The following CPVL variants were observed in gnomAD, a reference collection of about 807,000 sequenced individuals.
The protein encoded by CPVL is probable serine carboxypeptidase CPVL.
A neutral mutation model predicts 63.7 loss-of-function variants in CPVL; 51 were observed. That is an observed-to-expected ratio of 0.80 (90% CI 0.64 to 1.01). CPVL has a LOEUF of 1.01. CPVL is among the 50% of genes least tolerant of loss of function. The pLI, the probability that CPVL is intolerant of heterozygous loss-of-function variation, is 0.00. For synonymous variants in CPVL, 195 were observed against 206.0 expected, an observed-to-expected ratio of 0.95 and a Z score of 0.46; for missense variants, 530 against 573.1, an observed-to-expected ratio of 0.92 and a Z score of 0.77.
chr7:29,138,378 T>G (rs1791466884), intron 1 of CPVL, among the ~76,000 whole-genome samples: 2 of 152,164 alleles, frequency 1.3e-5, no homozygotes, highest in South Asian at 4.1e-4. Context: ...AGGCAGAGGT[T>G]GCAGTGATCC....
At chr7:29,048,378 CAA>C (rs1400100253) in intron 11 of CPVL, among the ~76,000 whole-genome samples, 1 of 152,048 alleles carries the variant, frequency 6.6e-6, no homozygotes, top group East Asian at 1.9e-4. Context: ...GCATTTCATG[CAA>C]AGAGACACCA....
chr7:29,061,096 C>T (rs1791231488), intron 11 of CPVL, among the ~76,000 whole-genome samples: 1 of 152,150 alleles, frequency 6.6e-6, no homozygotes, highest in African/African-American at 2.4e-5. Flanking sequence ...TTTTCTTTTT[C>T]TGGCAACCGA....
At chr7:29,152,104 A>C (rs192319174) in intron 5 of CPVL, among the ~76,000 whole-genome samples, 31 of 152,320 alleles carry the variant, frequency 2.0e-4, no homozygotes, top group African/African-American at 7.2e-4. Flanking sequence ...TTATCTAGAA[A>C]AGTGACTCTA....
intron 1 of CPVL, chr7:29,127,473 A>G (rs998425457): frequency 6.6e-6 from 1 of 152,250 alleles, no homozygotes; most frequent in Non-Finnish European, 1.5e-5. Flanking sequence ...CGATCCTCAG[A>G]GAATCTAAGT....
intron 2 of CPVL, among the ~76,000 whole-genome samples, chr7:29,116,643 T>G (rs1368470597): frequency 6.6e-6 from 1 of 152,186 alleles, no homozygotes; most frequent in African/African-American, 2.4e-5. Flanking sequence ...TTATCACCAG[T>G]GTGGACAGAC....
chr7:29,164,574 C>T (rs949285754), intron 5 of CPVL, among the ~76,000 whole-genome samples: 1 of 151,798 alleles, frequency 6.6e-6, no homozygotes, highest in East Asian at 1.9e-4. Context: ...CATTTGAACT[C>T]AGAAGAGACC....
chr7:29,034,066 CTGTTT>C (rs1248967851), intron 11 of CPVL, among the ~76,000 whole-genome samples: 3 of 152,076 alleles, frequency 2.0e-5, no homozygotes, highest in South Asian at 4.2e-4. Context: ...TTCTAGGTTT[CTGTTT>C]TGTTTTGTTT....
At chr7:29,070,565 C>T (rs1783636016) in intron 9 of CPVL, among the ~76,000 whole-genome samples, 1 of 152,188 alleles carries the variant, frequency 6.6e-6, no homozygotes, top group South Asian at 2.1e-4. Flanking sequence ...CCTACATGTG[C>T]CCCAGGAGAC....
chr7:29,075,880 G>T (rs1469111762), intron 7 of CPVL, among the ~76,000 whole-genome samples: 1 of 146,696 alleles, frequency 6.8e-6, no homozygotes, highest in Admixed American at 6.9e-5. Context: ...GACAATTATA[G>T]AATTATTTTT....
chr7:29,192,898 A>G (rs1783076806), intron 1 of CPVL: 1 of 152,250 alleles, frequency 6.6e-6, no homozygotes, highest in Non-Finnish European at 1.5e-5. Context: ...ATAGATTACT[A>G]GTCAAACAAG....
At chr7:29,118,758 CT>C (rs1244631303) in intron 2 of CPVL, among the ~76,000 whole-genome samples, 2 of 152,136 alleles carry the variant, frequency 1.3e-5, no homozygotes, top group Non-Finnish European at 2.9e-5. Flanking sequence ...TTTAGATTTG[CT>C]TTTGATCTTT....
intron 5 of CPVL, among the ~76,000 whole-genome samples, chr7:29,093,077 G>T (rs1785992878): frequency 6.6e-6 from 1 of 152,054 alleles, no homozygotes; most frequent in African/African-American, 2.4e-5. Context: ...GAGAGTGCAT[G>T]GCTCTGTCCT....
At chr7:29,029,049 G>GA (rs1200753513) in intron 12 of CPVL, among the ~76,000 whole-genome samples, 13 of 151,552 alleles carry the variant, frequency 8.6e-5, no homozygotes, top group African/African-American at 2.7e-4. Context: ...CAGGTATATG[G>GA]AAAAATCTCA....
chr7:29,128,285 T>C (rs1790285345), intron 1 of CPVL: 1 of 152,014 alleles, frequency 6.6e-6, no homozygotes. Flanking sequence ...AGAAAATCAT[T>C]TGTTTGGATT....
chr7:29,033,165 G>A (rs914873518), intron 11 of CPVL, among the ~76,000 whole-genome samples: 6 of 152,024 alleles, frequency 3.9e-5, no homozygotes, highest in African/African-American at 9.7e-5. Flanking sequence ...TCAGAATAAC[G>A]ATCATGAGAA....
intron 12 of CPVL, among the ~76,000 whole-genome samples, chr7:28,998,894 T>G (rs899857617): frequency 6.6e-6 from 1 of 152,070 alleles, no homozygotes; most frequent in Admixed American, 6.5e-5. Context: ...AACCTTGGTT[T>G]AAAAAAGGTT....
At chr7:29,105,966 C>T (rs1446137855) in intron 3 of CPVL, among the ~76,000 whole-genome samples, 1 of 152,186 alleles carries the variant, frequency 6.6e-6, no homozygotes, top group African/African-American at 2.4e-5. Context: ...AGAGTGCTCA[C>T]AGATGGACAA....
chr7:29,033,304 GGAT>G (rs1352801331), intron 11 of CPVL, among the ~76,000 whole-genome samples: 1 of 152,156 alleles, frequency 6.6e-6, no homozygotes, highest in Non-Finnish European at 1.5e-5. Context: ...CTGGGTGAGT[GGAT>G]GAGATAGCCT....
chr7:29,119,129 C>G (rs1266613820), intron 2 of CPVL, among the ~76,000 whole-genome samples: 1 of 152,216 alleles, frequency 6.6e-6, no homozygotes, highest in Non-Finnish European at 1.5e-5. Flanking sequence ...GCTTAGGAAC[C>G]TACTGAAGTC....
Sources: gnomAD v4.1 joint callset for allele counts (sites outside exome capture counted in the v4.1 genomes callset) on GRCh38, gnomAD v4.1.1 for gene constraint, MANE v1.5 for transcripts, NCBI Gene and HGNC (gene_info 2026-07-23, HGNC 2026-07-21) for gene names.